CACNA2D1: variants seen among roughly 807,000 people sequenced by gnomAD.
CACNA2D1 encodes calcium voltage-gated channel auxiliary subunit alpha2delta 1, also known as voltage-dependent calcium channel subunit alpha-2/delta-1.
CACNA2D1 carries 53 observed loss-of-function variants against 171.5 expected under a neutral mutation model. That is an observed-to-expected ratio of 0.31 (90% CI 0.25 to 0.39). CACNA2D1 has a LOEUF of 0.39. CACNA2D1 is among the 10% of genes least tolerant of loss of function. The probability of loss-of-function intolerance (pLI) is 1.00; values close to 1 mark genes in which losing one functional copy is unlikely to be tolerated. For missense variants in CACNA2D1, 903 were observed against 1,299.8 expected, an observed-to-expected ratio of 0.69 and a Z score of 4.69; for synonymous variants, 442 against 443.1, an observed-to-expected ratio of 1.00 and a Z score of 0.03.
chr7:82,029,014 T>C lies in CACNA2D1; in HGVS notation c.1143+3783A>G, dbSNP rs1212701035. ...TTTTAAAAGTTCTGTGTGGGTAAAA[T>C]GCTATCAAATAGCACTGCATACTAC... On this transcript the variant is annotated intron_variant, in intron 12 of 38. Coordinates refer to ENST00000356860, the MANE Select transcript of CACNA2D1 (RefSeq NM_000722.4). 4.0e-5 allele frequency: 6 copies of C among 151,808 alleles called. No homozygotes were observed. The Admixed American group carries it at 4.0e-4, about 10-fold the overall frequency. 9.4% of individuals were successfully genotyped at this position (151,808 alleles called of 1,614,324 possible).
intron 7 of CACNA2D1, among the ~76,000 whole-genome samples, chr7:82,067,183 T>C (rs1383871317): frequency 2.0e-5 from 3 of 152,212 alleles, no homozygotes; most frequent in Non-Finnish European, 4.4e-5. Flanking sequence ...TTAATTTAAA[T>C]CTATTCTAAT....
At chr7:82,297,805 G>A (rs1227078788) in intron 3 of CACNA2D1, among the ~76,000 whole-genome samples, 2 of 151,990 alleles carry the variant, frequency 1.3e-5, no homozygotes, top group Non-Finnish European at 2.9e-5. Context: ...AAAACAAAAC[G>A]ACTAATAAGC....
At chr7:82,046,591 G>A in intron 10 of CACNA2D1, among the ~76,000 whole-genome samples, 1 of 152,002 alleles carries the variant, frequency 6.6e-6, no homozygotes, top group African/African-American at 2.4e-5. Context: ...TGAAATAAAG[G>A]GTTTTTCTAG....
chr7:82,379,774 T>G (rs1477783187), intron 1 of CACNA2D1, among the ~76,000 whole-genome samples: 1 of 152,200 alleles, frequency 6.6e-6, no homozygotes, highest in Non-Finnish European at 1.5e-5. Context: ...CTGTAAAGAG[T>G]GCCAACTCAT....
Position 81,950,541 on chromosome 7 carries a change from A to C in CACNA2D1, c.3160-33T>G, listed in dbSNP as rs910614829. Reference sequence around the variant, plus strand: ...TAAAAAAAAAAGAAAAGAACAGAAAAAGAAAAATCTAAAAATCTTGAAAAA... The same window carrying C: ...TAAAAAAAAAAGAAAAGAACAGAAACAGAAAAATCTAAAAATCTTGAAAAA... On this transcript the variant is annotated intron_variant, in intron 38 of 38. Transcript: ENST00000356860. The C allele has an allele frequency of 5.7e-6, 9 of 1,584,882 alleles. No homozygotes were observed. In the Admixed American group the frequency reaches 1.6e-4, roughly 29 times the overall value.
intron 9 of CACNA2D1, among the ~76,000 whole-genome samples, chr7:82,063,103 A>T (rs1807153209): frequency 6.6e-6 from 1 of 152,082 alleles, no homozygotes; most frequent in South Asian, 2.1e-4. Context: ...GTGTAGGAAG[A>T]CCTCAATACA....
chr7:82,338,791 G>A (rs1051392040), intron 2 of CACNA2D1, among the ~76,000 whole-genome samples: 6 of 152,270 alleles, frequency 3.9e-5, no homozygotes, highest in African/African-American at 1.2e-4. Flanking sequence ...GGCTTCAGCA[G>A]GACATGGAAA....
intron 3 of CACNA2D1, among the ~76,000 whole-genome samples, chr7:82,179,478 C>G (rs904691301): frequency 2.6e-5 from 4 of 152,110 alleles, no homozygotes; most frequent in African/African-American, 9.7e-5. Context: ...ATCTCTTCAG[C>G]TTGAGAACTG....
chr7:82,039,584 T>C (rs1000802766), intron 10 of CACNA2D1, among the ~76,000 whole-genome samples: 2 of 152,198 alleles, frequency 1.3e-5, no homozygotes, highest in Non-Finnish European at 2.9e-5. Flanking sequence ...CTCAATATAG[T>C]ATAATAAATT....
At chr7:81,991,499 T>A (rs1797538316) in intron 20 of CACNA2D1, among the ~76,000 whole-genome samples, 1 of 152,176 alleles carries the variant, frequency 6.6e-6, no homozygotes, top group African/African-American at 2.4e-5. Flanking sequence ...AAAACAGTAT[T>A]TCCTGAAAAA....
chr7:82,265,942 C>T (rs1485705801), intron 3 of CACNA2D1, among the ~76,000 whole-genome samples: 5 of 152,074 alleles, frequency 3.3e-5, no homozygotes, highest in Non-Finnish European at 5.9e-5. Flanking sequence ...CAACTTATTG[C>T]TCCAACTCCG....
chr7:82,350,412 TC>T (rs978181977), intron 1 of CACNA2D1, among the ~76,000 whole-genome samples: 4 of 152,160 alleles, frequency 2.6e-5, no homozygotes, highest in African/African-American at 4.8e-5. Flanking sequence ...ACACCTGTAA[TC>T]CCAGCACTTT....
intron 32 of CACNA2D1, among the ~76,000 whole-genome samples, 171 bp downstream of exon 32, chr7:81,965,423 G>C (rs925646987): frequency 6.6e-6 from 1 of 151,788 alleles, no homozygotes; most frequent in Non-Finnish European, 1.5e-5. Context: ...ATAAAAACTA[G>C]ACTTAGCATG....
At chr7:82,014,002 T>C (rs1326776962) in intron 13 of CACNA2D1, among the ~76,000 whole-genome samples, 1 of 152,024 alleles carries the variant, frequency 6.6e-6, no homozygotes, top group East Asian at 1.9e-4. Flanking sequence ...TATCCTGGAA[T>C]GTATAAGGTA....
At position 82,349,522 on chromosome 7, in the gene CACNA2D1, G is replaced by A. The variant is rs371347692; in HGVS notation, c.177+46C>T. The stretch of plus-strand genomic sequence containing the variant: ...TTTCCTAGAAGATAGAACTGCATTC[G>A]AATTAATGAAAAGATTAAGAAATCT... On this transcript the variant is annotated intron_variant, in intron 2 of 38. Transcript: ENST00000356860. The A allele has an allele frequency of 7.1e-6, 10 of 1,404,424 alleles. No individual in the cohort carries two copies. In the Middle Eastern group the frequency reaches 5.5e-4, roughly 78 times the overall value. The allele number at this position is 1,404,424 out of a possible 1,614,324, so 87.0% of individuals were successfully genotyped here. A position where few individuals can be genotyped will look rare whatever the true frequency, so the allele number is the denominator to read the frequency against.
chr7:82,174,354 G>T (rs911384873), intron 3 of CACNA2D1, among the ~76,000 whole-genome samples: 1 of 151,890 alleles, frequency 6.6e-6, no homozygotes, highest in Non-Finnish European at 1.5e-5. Flanking sequence ...TTATTAAATG[G>T]CTTTATTGTA....
chr7:82,036,872 A>G (rs1803342304), intron 11 of CACNA2D1, among the ~76,000 whole-genome samples: 1 of 152,176 alleles, frequency 6.6e-6, no homozygotes, highest in Non-Finnish European at 1.5e-5. Context: ...TTTTTACCAG[A>G]TGTGGGCTAG....
intron 3 of CACNA2D1, among the ~76,000 whole-genome samples, chr7:82,239,656 A>G (rs1456475836): frequency 6.6e-6 from 1 of 152,224 alleles, no homozygotes; most frequent in Non-Finnish European, 1.5e-5. Context: ...CATTAAAGGT[A>G]GTGGAAGAGT....
At chr7:82,331,262 C>A (rs1241882594) in intron 3 of CACNA2D1, among the ~76,000 whole-genome samples, 1 of 152,086 alleles carries the variant, frequency 6.6e-6, no homozygotes, top group Non-Finnish European at 1.5e-5. Context: ...ATTTTATCAT[C>A]TACCTTAGAT....
Sources: gnomAD v4.1 joint callset for allele counts (sites outside exome capture counted in the v4.1 genomes callset) on GRCh38, gnomAD v4.1.1 for gene constraint, MANE v1.5 for transcripts, NCBI Gene and HGNC (gene_info 2026-07-23, HGNC 2026-07-21) for gene names.